BCAS3: variants seen among roughly 807,000 people sequenced by gnomAD.
The protein encoded by BCAS3 is BCAS3 microtubule associated cell migration factor.
Under a neutral mutation model 116.1 loss-of-function variants are expected in BCAS3, and 53 were observed. That is an observed-to-expected ratio of 0.46 (90% CI 0.37 to 0.57). The LOEUF is 0.57. Among genes scored for constraint, BCAS3 ranks in the 20% least tolerant of loss-of-function variants. BCAS3 has a pLI of 0.00. For synonymous variants in BCAS3, 391 were observed against 408.2 expected, an observed-to-expected ratio of 0.96 and a Z score of 0.51; for missense variants, 917 against 1,165.4, an observed-to-expected ratio of 0.79 and a Z score of 3.10.
intron 15 of BCAS3, among the ~76,000 whole-genome samples, chr17:61,006,926 C>A (rs1219877720): frequency 6.6e-6 from 1 of 151,916 alleles, no homozygotes; most frequent in Non-Finnish European, 1.5e-5. Flanking sequence ...AAACTACAAT[C>A]CTAATACGTA....
In BCAS3 at chr17:61,144,354, T is replaced by G. The variant is rs1326490703; in HGVS notation, c.2425+59790T>G. Among the ~76,000 whole-genome samples, 1 of 152,206 alleles carries G rather than the reference T, an allele frequency of 6.6e-6. No homozygotes were observed. Among genetic ancestry groups the G allele is most frequent in the Non-Finnish European group, 1.5e-5 (1 of 68,036 alleles). ...GTGTATGTCTAGATACTATGACAGA[T>G]CCAGTGCCTGTGAAGACCTGGAACA... On this transcript the variant is annotated intron_variant, in intron 22 of 23. Coordinates refer to ENST00000407086, the MANE Select transcript of BCAS3 (RefSeq NM_017679.5). This position sits in a 1 kb window ranked among gnomAD's most constrained non-coding sequence, Gnocchi z 5.0.
intron 7 of BCAS3, among the ~76,000 whole-genome samples, chr17:60,839,548 G>GTTA (rs10693268): frequency 0.22 from 33,110 of 151,798 alleles, 4,641 homozygotes; most frequent in African/African-American, 0.41. Context: ...GCAGAATAAA[G>GTTA]TTATTAACTA....
At chr17:60,746,231 C>T (rs77711639) in intron 5 of BCAS3, among the ~76,000 whole-genome samples, 4,931 of 152,194 alleles carry the variant, frequency 0.032, 249 homozygotes, top group African/African-American at 0.11. Flanking sequence ...TACAGTACCA[C>T]GTACAGTAAT....
chr17:61,304,953 C>T (rs770450052), intron 22 of BCAS3, among the ~76,000 whole-genome samples: 2 of 152,104 alleles, frequency 1.3e-5, no homozygotes, highest in Non-Finnish European at 2.9e-5. Context: ...GATGGAGTTT[C>T]ACCATGTTGG....
chr17:60,690,455 A>C (rs1355115880), intron 4 of BCAS3, among the ~76,000 whole-genome samples: 1 of 152,100 alleles, frequency 6.6e-6, no homozygotes, highest in East Asian at 1.9e-4. Flanking sequence ...CTGTAGTTTC[A>C]GCTACTTGGG....
chr17:61,263,889 A>T (rs1488193322), intron 22 of BCAS3, among the ~76,000 whole-genome samples: 1 of 152,238 alleles, frequency 6.6e-6, no homozygotes, highest in Non-Finnish European at 1.5e-5. Flanking sequence ...GATTATCCAC[A>T]TAGGAAAAAC....
chr17:61,311,210 A>G (rs1166070057), intron 22 of BCAS3, among the ~76,000 whole-genome samples: 1 of 152,240 alleles, frequency 6.6e-6, no homozygotes, highest in African/African-American at 2.4e-5. Context: ...TGTGATATGT[A>G]TATATTTTTC....
At chr17:61,005,782 CTTTTTTTTCTT>C (rs922665311) in intron 15 of BCAS3, among the ~76,000 whole-genome samples, 13 of 135,632 alleles carry the variant, frequency 9.6e-5, no homozygotes, top group South Asian at 2.2e-4. Flanking sequence ...GAAAAAATTT[CTTTTTTTTCTT>C]TTTTTTTTCT....
At chr17:61,148,687 T>C (rs751126258) in intron 22 of BCAS3, among the ~76,000 whole-genome samples, 1 of 152,226 alleles carries the variant, frequency 6.6e-6, no homozygotes, top group East Asian at 1.9e-4. Flanking sequence ...AAGATAGGTA[T>C]AATTATTTGT....
chr17:60,812,665 C>A lies in BCAS3; in HGVS notation c.476+4589C>A, dbSNP rs2048944821. 2.6e-5 allele frequency among the ~76,000 whole-genome samples: 4 copies of A among 152,112 alleles called. 1 individual carries two copies. In the South Asian group the frequency reaches 8.3e-4, roughly 32 times the overall value. Reference sequence around the variant, plus strand: ...TAGGAACTTGAGTGCTATCAACAATCCATGAGTCAATACATACATACATAC... The same window carrying A: ...TAGGAACTTGAGTGCTATCAACAATACATGAGTCAATACATACATACATAC... On this transcript the variant is annotated intron_variant, in intron 7 of 23. Transcript: ENST00000407086.
At chr17:60,853,310 G>T (rs1009292620) in intron 7 of BCAS3, among the ~76,000 whole-genome samples, 1 of 152,034 alleles carries the variant, frequency 6.6e-6, no homozygotes, top group African/African-American at 2.4e-5. Context: ...GTTTGTAGAG[G>T]AAAACATTTT....
chr17:61,075,555 T>A (rs2071896691), intron 20 of BCAS3, among the ~76,000 whole-genome samples: 1 of 152,134 alleles, frequency 6.6e-6, no homozygotes. Flanking sequence ...CTTCAAGCAA[T>A]CCACCCTTCT....
chr17:60,987,434 A>G (rs778804015), intron 14 of BCAS3, among the ~76,000 whole-genome samples: 1 of 152,028 alleles, frequency 6.6e-6, no homozygotes, highest in Non-Finnish European at 1.5e-5. Flanking sequence ...TTAGGGTAGT[A>G]TAGACATTTT....
intron 7 of BCAS3, among the ~76,000 whole-genome samples, chr17:60,842,509 C>A (rs1292400855): frequency 6.6e-6 from 1 of 150,734 alleles, no homozygotes; most frequent in Non-Finnish European, 1.5e-5. Flanking sequence ...TTTTTTTTTT[C>A]AATTTTCTAT....
intron 13 of BCAS3, among the ~76,000 whole-genome samples, chr17:60,935,105 C>A (rs2059850640): frequency 6.6e-6 from 1 of 151,890 alleles, no homozygotes; most frequent in African/African-American, 2.4e-5. Flanking sequence ...TAGAGGAATA[C>A]AATGCAATGC....
chr17:61,130,541 C>T lies in BCAS3; in HGVS notation c.2425+45977C>T, dbSNP rs1351675566. Among the ~76,000 whole-genome samples, 1 of 152,208 alleles carries T rather than the reference C, an allele frequency of 6.6e-6. No individual in the cohort carries two copies. The highest frequency in any genetic ancestry group is 1.5e-5 in the Non-Finnish European group (1 of 68,028). On this transcript the variant is annotated intron_variant, in intron 22 of 23. Coordinates refer to ENST00000407086, the MANE Select transcript of BCAS3 (RefSeq NM_017679.5). This position sits in a 1 kb window ranked among gnomAD's most constrained non-coding sequence, Gnocchi z 5.0. ...TGTTACGTAATATGGTGAGAATCTTCTTCCTCAAATACTTTTTATCCTGTC... is the reference window on the plus strand; with the variant it reads ...TGTTACGTAATATGGTGAGAATCTTTTTCCTCAAATACTTTTTATCCTGTC...
intron 22 of BCAS3, among the ~76,000 whole-genome samples, chr17:61,169,619 A>G (rs1601697828): frequency 6.6e-6 from 1 of 152,316 alleles, no homozygotes; most frequent in East Asian, 1.9e-4. Context: ...AGCACTCCAC[A>G]CCAACCTTTA....
In BCAS3 at chr17:61,388,801, C is replaced by A; in HGVS notation, c.2594-3176C>A. The A allele has an allele frequency of 8.7e-7, 1 of 1,154,790 alleles. No individual in the cohort carries two copies. The highest frequency in any genetic ancestry group is 1.2e-6 in the Non-Finnish European group (1 of 815,328). 71.5% of individuals were successfully genotyped at this position (1,154,790 alleles called of 1,614,324 possible). A position where few individuals can be genotyped will look rare whatever the true frequency, so the allele number is the denominator to read the frequency against. ...GAATCTGAGCAGCCCTCCTCCCCTCCACTTCCCACACACACCCCTGCCTGC... is the reference window on the plus strand; with the variant it reads ...GAATCTGAGCAGCCCTCCTCCCCTCAACTTCCCACACACACCCCTGCCTGC... On this transcript the variant is annotated intron_variant, in intron 23 of 23. Coordinates refer to ENST00000407086, the MANE Select transcript of BCAS3 (RefSeq NM_017679.5). The surrounding 1 kb of genome is among the most constrained non-coding windows in gnomAD (Gnocchi z 6.5).
chr17:61,085,527 CA>C (rs2073019637), intron 22 of BCAS3, among the ~76,000 whole-genome samples: 1 of 152,160 alleles, frequency 6.6e-6, no homozygotes. Flanking sequence ...TTTTAAGTTT[CA>C]AAGCTAATGG....
Sources: gnomAD v4.1 joint callset for allele counts (sites outside exome capture counted in the v4.1 genomes callset) on GRCh38, gnomAD v4.1.1 for gene constraint, Gnocchi (gnomAD v3.1) non-coding constraint, MANE v1.5 for transcripts, NCBI Gene and HGNC (gene_info 2026-07-23, HGNC 2026-07-21) for gene names.